UBE2E2: variants seen among roughly 807,000 people sequenced by gnomAD.
UBE2E2 encodes the protein ubiquitin conjugating enzyme E2 E2, also known as ubiquitin-conjugating enzyme E2 E2.
UBE2E2 carries 6 observed loss-of-function variants against 24.7 expected under a neutral mutation model. That is an observed-to-expected ratio of 0.24 (90% CI 0.13 to 0.48). The LOEUF (loss-of-function observed/expected upper bound fraction) is 0.48, where lower values mean the gene tolerates loss of function less well. Among genes scored for constraint, UBE2E2 ranks in the 20% least tolerant of loss-of-function variants. UBE2E2 has a pLI of 0.99. For synonymous variants in UBE2E2, 104 were observed against 83.6 expected, an observed-to-expected ratio of 1.24 and a Z score of -1.33; for missense variants, 169 against 245.0, an observed-to-expected ratio of 0.69 and a Z score of 2.07.
chr3:23,487,894 A>C (rs1419464466), intron 3 of UBE2E2, among the ~76,000 whole-genome samples: 1 of 151,916 alleles, frequency 6.6e-6, no homozygotes, highest in Non-Finnish European at 1.5e-5. Flanking sequence ...ATTGTCTTCC[A>C]CTTCCTCTGC....
chr3:23,450,040 G>A, intron 3 of UBE2E2: 1 of 525,340 alleles, frequency 1.9e-6, no homozygotes, highest in Non-Finnish European at 2.4e-6. Flanking sequence ...ATTTATTGGT[G>A]GCCATTTGTC....
intron 3 of UBE2E2, among the ~76,000 whole-genome samples, chr3:23,477,329 G>C (rs1290825378): frequency 6.6e-6 from 1 of 152,198 alleles, no homozygotes; most frequent in African/African-American, 2.4e-5. Context: ...ATTTCACAAA[G>C]TAATAGCTAA....
At chr3:23,422,844 G>C (rs1484232226) in intron 3 of UBE2E2, among the ~76,000 whole-genome samples, 1 of 151,932 alleles carries the variant, frequency 6.6e-6, no homozygotes, top group African/African-American at 2.4e-5. Context: ...GTCTAGGGAA[G>C]GGTCTAGGTA....
intron 5 of UBE2E2, among the ~76,000 whole-genome samples, chr3:23,555,934 C>T (rs540202465): frequency 9.2e-5 from 14 of 151,968 alleles, no homozygotes; most frequent in African/African-American, 3.1e-4. Context: ...AGAAAGGTCT[C>T]GTGTGCAACA....
chr3:23,301,589 G>T (rs1268581254), intron 3 of UBE2E2, among the ~76,000 whole-genome samples: 1 of 152,212 alleles, frequency 6.6e-6, no homozygotes, highest in African/African-American at 2.4e-5. Flanking sequence ...AGTGGCTGCA[G>T]AACAGTGCAT....
intron 3 of UBE2E2, among the ~76,000 whole-genome samples, chr3:23,339,877 G>T (rs1695333570): frequency 6.6e-6 from 1 of 152,062 alleles, no homozygotes; most frequent in South Asian, 2.1e-4. Flanking sequence ...TAGTCAGAGT[G>T]ATTAATTTTA....
At chr3:23,455,206 C>A (rs1202640673) in intron 3 of UBE2E2, among the ~76,000 whole-genome samples, 1 of 152,178 alleles carries the variant, frequency 6.6e-6, no homozygotes, top group East Asian at 1.9e-4. Context: ...ATAGGAAATG[C>A]CCTCTGTGTC....
rs570817685 is a variant in UBE2E2, at chr3:23,275,204, C to T, written c.227+57892C>T. On this transcript the variant is annotated intron_variant, in intron 3 of 5. Transcript: ENST00000396703. ...GGCTGTGAAAGAGAAATTTGGGCTG[C>T]TTTGAAAGTATATCACACAGGGTGA... Among the ~76,000 whole-genome samples, 7 of 152,212 alleles carry T rather than the reference C, an allele frequency of 4.6e-5. No individual in the cohort carries two copies. In the South Asian group the frequency reaches 1.5e-3, roughly 32 times the overall value.
At chr3:23,517,973 A>C (rs1040008605) in intron 4 of UBE2E2, among the ~76,000 whole-genome samples, 83 of 152,104 alleles carry the variant, frequency 5.5e-4, no homozygotes, top group African/African-American at 1.8e-3. Context: ...AGAAAATGGG[A>C]ATTTTTTTTT....
chr3:23,298,735 T>G (rs542211915), intron 3 of UBE2E2, among the ~76,000 whole-genome samples: 214 of 152,036 alleles, frequency 1.4e-3, no homozygotes, highest in African/African-American at 4.9e-3. Flanking sequence ...TCAAGGATAT[T>G]GGTCTAAAAT....
intron 3 of UBE2E2, among the ~76,000 whole-genome samples, chr3:23,230,643 C>T (rs572294120): frequency 1.2e-4 from 18 of 151,838 alleles, no homozygotes; most frequent in South Asian, 6.3e-4. Flanking sequence ...AAAATTAGCC[C>T]GGCTTGGTGG....
chr3:23,473,260 T>C (rs1699063972), intron 3 of UBE2E2, among the ~76,000 whole-genome samples: 1 of 152,146 alleles, frequency 6.6e-6, no homozygotes, highest in Admixed American at 6.5e-5. Context: ...TTTTTTATTT[T>C]ATTCAAATGC....
chr3:23,475,876 G>T (rs1699123338), intron 3 of UBE2E2, among the ~76,000 whole-genome samples: 1 of 152,058 alleles, frequency 6.6e-6, no homozygotes, highest in South Asian at 2.1e-4. Flanking sequence ...AGATTGCTTT[G>T]ATCTAAAAGC....
At chr3:23,572,723 T>G (rs186022136) in intron 5 of UBE2E2, among the ~76,000 whole-genome samples, 2 of 152,238 alleles carry the variant, frequency 1.3e-5, no homozygotes, top group Non-Finnish European at 2.9e-5. Context: ...TTTTGCTCCT[T>G]TTGATTGCTG....
chr3:23,279,472 C>G (rs1377629309), intron 3 of UBE2E2, among the ~76,000 whole-genome samples: 1 of 152,118 alleles, frequency 6.6e-6, no homozygotes, highest in African/African-American at 2.4e-5. Context: ...AAGTCAAATG[C>G]ATGTCCAGAT....
At chr3:23,290,015 A>G (rs1245973240) in intron 3 of UBE2E2, among the ~76,000 whole-genome samples, 1 of 152,236 alleles carries the variant, frequency 6.6e-6, no homozygotes, top group African/African-American at 2.4e-5. Context: ...AAACATTTCT[A>G]AGGGGAAATT....
At chr3:23,422,327 C>CTT (rs547489417) in intron 3 of UBE2E2, among the ~76,000 whole-genome samples, 88 of 152,184 alleles carry the variant, frequency 5.8e-4, no homozygotes, top group Non-Finnish European at 8.2e-4. Context: ...AGAGACAACA[C>CTT]TTGAATGGTA....
intron 3 of UBE2E2, among the ~76,000 whole-genome samples, chr3:23,337,299 A>G (rs1317437591): frequency 2.0e-5 from 3 of 152,162 alleles, no homozygotes; most frequent in African/African-American, 2.4e-5. Flanking sequence ...GTCAGTCACT[A>G]TATCTAGCTA....
intron 2 of UBE2E2, among the ~76,000 whole-genome samples, chr3:23,213,801 A>C (rs1482647632): frequency 6.6e-6 from 1 of 152,200 alleles, no homozygotes; most frequent in African/African-American, 2.4e-5. Flanking sequence ...ACAGATACTT[A>C]GAGAATTCTG....
Sources: allele counts gnomAD v4.1 joint callset (sites outside exome capture counted in the v4.1 genomes callset), GRCh38; gene constraint gnomAD v4.1.1; transcripts MANE v1.5; gene names NCBI Gene and HGNC (gene_info 2026-07-23, HGNC 2026-07-21).